MMP26: variants seen among roughly 807,000 people sequenced by gnomAD.
MMP26 encodes matrix metalloproteinase-26.
In MMP26, 33 loss-of-function variants were observed where a neutral mutation model predicts 31.0. The observed-to-expected ratio is 1.06, with a 90% confidence interval of 0.81 to 1.42. The LOEUF (loss-of-function observed/expected upper bound fraction) is 1.42, where lower values mean the gene tolerates loss of function less well. Among genes scored for constraint, MMP26 ranks in the 40% most tolerant of loss-of-function variants. The pLI is 0.00. For missense variants in MMP26, 347 were observed against 316.1 expected, an observed-to-expected ratio of 1.10 and a Z score of -0.74; for synonymous variants, 122 against 114.9, an observed-to-expected ratio of 1.06 and a Z score of -0.40.
intron 2 of MMP26, among the ~76,000 whole-genome samples, chr11:4,858,245 G>T (rs1850086958): frequency 6.6e-6 from 1 of 152,084 alleles, no homozygotes; most frequent in South Asian, 2.1e-4. Context: ...GCAGGAGAAA[G>T]AAATAAAAGG....
At chr11:4,875,839 A>G (rs1589926344) in intron 2 of MMP26, 1 of 152,268 alleles carries the variant, frequency 6.6e-6, no homozygotes, top group East Asian at 1.9e-4. Context: ...CTACCACAGT[A>G]GGTCTTTTTA....
At chr11:4,763,000 T>G (rs886720134) in intron 1 of MMP26, among the ~76,000 whole-genome samples, 37 of 152,174 alleles carry the variant, frequency 2.4e-4, no homozygotes. Context: ...GTGAAATGTA[T>G]TTACAATTTG....
chr11:4,795,030 G>A (rs1197396982), intron 2 of MMP26: 2 of 152,140 alleles, frequency 1.3e-5, no homozygotes, highest in African/African-American at 4.8e-5. Flanking sequence ...AGACTAGCAT[G>A]GTTCAGGCAG....
chr11:4,880,360 T>C (rs1850442405), intron 2 of MMP26, among the ~76,000 whole-genome samples: 1 of 150,662 alleles, frequency 6.6e-6, no homozygotes, highest in African/African-American at 2.4e-5. Context: ...TGAGGGATGG[T>C]AAGATAAGGA....
At position 4,804,680 on chromosome 11, in the gene MMP26, T is replaced by A. The variant is rs948055098; in HGVS notation, c.-145+37339T>A. On this transcript the variant is annotated intron_variant, in intron 2 of 7. Coordinates refer to ENST00000380390, the MANE Select transcript of MMP26 (RefSeq NM_021801.5). ...TTTTTCTTGACCAGGTGTGGTGGCT[T>A]ACACCTATAATCCTAGCACTTTGGG... The A allele has an allele frequency of 1.6e-4, 72 of 461,182 alleles. 1 individual carries two copies. In the Middle Eastern group the frequency reaches 5.6e-3, roughly 36 times the overall value. 28.6% of individuals were successfully genotyped at this position (461,182 alleles called of 1,614,324 possible).
In MMP26 at chr11:4,790,169, G is replaced by A. The variant is rs927316986; in HGVS notation, c.-145+22828G>A. ...ATCCTGGCTAACATAGTGAAACCCC[G>A]TCTCTACTAAAAATACAAAAAATTA... is the stretch of plus-strand genomic sequence containing the variant. On this transcript the variant is annotated intron_variant, in intron 2 of 7. Coordinates refer to ENST00000380390, the MANE Select transcript of MMP26 (RefSeq NM_021801.5). Among the ~76,000 whole-genome samples the A allele has an allele frequency of 2.6e-5, 4 of 152,022 alleles. No individual in the cohort carries two copies. In the East Asian group the frequency reaches 5.9e-4, roughly 22 times the overall value.
At chr11:4,875,722 G>A (rs1449763819) in intron 2 of MMP26, 2 of 152,052 alleles carry the variant, frequency 1.3e-5, no homozygotes, top group Non-Finnish European at 2.9e-5. Context: ...TACATCTCAA[G>A]GTTCTTAACT....
intron 2 of MMP26, among the ~76,000 whole-genome samples, chr11:4,901,289 A>G (rs1315808828): frequency 6.6e-6 from 1 of 150,798 alleles, no homozygotes; most frequent in East Asian, 2.0e-4. Context: ...CCTCCTGAGT[A>G]GCTGAGACTA....
chr11:4,712,359 T>A (rs1336367074), intron 1 of MMP26: 2 of 152,028 alleles, frequency 1.3e-5, no homozygotes, highest in Non-Finnish European at 2.9e-5. Context: ...ATGCTAAGAG[T>A]AGTCATAGAT....
At chr11:4,951,624 T>C (rs1480825267) in intron 2 of MMP26, among the ~76,000 whole-genome samples, 1 of 124,424 alleles carries the variant, frequency 8.0e-6, no homozygotes, top group Non-Finnish European at 1.8e-5. Context: ...CTCCAAACTT[T>C]CTGGAAAGAG....
At chr11:4,792,654 C>T (rs1433911) in intron 2 of MMP26, among the ~76,000 whole-genome samples, 3 of 151,894 alleles carry the variant, frequency 2.0e-5, no homozygotes, top group African/African-American at 2.4e-5. Flanking sequence ...CACGAAAATC[C>T]GATAGAGAGT....
intron 2 of MMP26, among the ~76,000 whole-genome samples, chr11:4,783,247 A>AGATCAT (rs1848889737): frequency 6.6e-6 from 1 of 152,256 alleles, no homozygotes; most frequent in Non-Finnish European, 1.5e-5. Flanking sequence ...GACATGCCCA[A>AGATCAT]GATCATGGGA....
chr11:4,819,208 A>G (rs17328039), intron 2 of MMP26, among the ~76,000 whole-genome samples: 29,884 of 152,174 alleles, frequency 0.2, 3,388 homozygotes, highest in South Asian at 0.32. Context: ...ATAAAGTTTT[A>G]TCTTCAGACA....
chr11:4,817,621 C>A (rs1849439197), intron 2 of MMP26, among the ~76,000 whole-genome samples: 1 of 152,044 alleles, frequency 6.6e-6, no homozygotes, highest in Non-Finnish European at 1.5e-5. Flanking sequence ...ATCTACAAAA[C>A]TTTTTCATAT....
At chr11:4,834,776 A>G (rs975354056) in intron 2 of MMP26, among the ~76,000 whole-genome samples, 2 of 152,160 alleles carry the variant, frequency 1.3e-5, no homozygotes, top group African/African-American at 4.8e-5. Context: ...AATTAAGAAC[A>G]TAATTATTTC....
intron 1 of MMP26, among the ~76,000 whole-genome samples, chr11:4,747,676 G>C (rs367908674): frequency 1.6e-4 from 24 of 152,212 alleles, no homozygotes; most frequent in African/African-American, 5.3e-4. Context: ...TGGAGACCTA[G>C]AGAACTCTAA....
intron 2 of MMP26, among the ~76,000 whole-genome samples, chr11:4,885,811 A>G (rs900625233): frequency 4.6e-5 from 7 of 152,124 alleles, no homozygotes; most frequent in Admixed American, 4.6e-4. Context: ...GTTACATTTT[A>G]TATTAGGTTT....
At position 4,977,935 on chromosome 11, in the gene MMP26, G is replaced by GAGGTGTCC. The variant is rs549071131; in HGVS notation, c.-144-10113_-144-10106dup. On this transcript the variant is annotated intron_variant, in intron 2 of 7. Transcript: ENST00000380390. ...CCCCACCCAAATCTCATCTTAAATT[G>GAGGTGTCC]AGGTGTCCAGGTGTCCAGGTGTCCA... 5.1e-4 allele frequency among the ~76,000 whole-genome samples: 77 copies of GAGGTGTCC among 152,146 alleles called. 3 individuals are homozygous for GAGGTGTCC. In the South Asian group the frequency reaches 0.014, roughly 28 times the overall value.
rs370744231 is a variant in MMP26 at position 4,755,141 on chromosome 11, TGTAAA to T, written c.-216-12125_-216-12121del. 3.0e-3 allele frequency among the ~76,000 whole-genome samples: 453 copies of T among 152,104 alleles called. 2 individuals carry two copies. The highest frequency in any genetic ancestry group is 0.01 in the African/African-American group (428 of 41,550). Reference sequence around the variant, plus strand: ...ATGTCGCTATCAGTTTTTTCTAAGATGTAAAGTAGACTTGCATTTTAAAGTGATTT... The same window carrying T: ...ATGTCGCTATCAGTTTTTTCTAAGATGTAGACTTGCATTTTAAAGTGATTT... On this transcript the variant is annotated intron_variant, in intron 1 of 7. Coordinates refer to ENST00000380390, the MANE Select transcript of MMP26 (RefSeq NM_021801.5).
Sources: gnomAD v4.1 joint callset for allele counts (sites outside exome capture counted in the v4.1 genomes callset) on GRCh38, gnomAD v4.1.1 for gene constraint, MANE v1.5 for transcripts, NCBI Gene and HGNC (gene_info 2026-07-23, HGNC 2026-07-21) for gene names.